THOC1: variants seen among roughly 807,000 people sequenced by gnomAD.
THOC1 encodes THO complex subunit 1, also known as THO complex 1.
A neutral mutation model predicts 97.3 loss-of-function variants in THOC1; 29 were observed. That is an observed-to-expected ratio of 0.30 (90% CI 0.22 to 0.41). The LOEUF (loss-of-function observed/expected upper bound fraction) is 0.41. Among genes scored for constraint, THOC1 ranks in the 10% least tolerant of loss-of-function variants. The probability of loss-of-function intolerance (pLI) is 1.00; values close to 1 mark genes in which losing one functional copy is unlikely to be tolerated. For synonymous variants in THOC1, 255 were observed against 257.0 expected, an observed-to-expected ratio of 0.99 and a Z score of 0.07; for missense variants, 529 against 761.9, an observed-to-expected ratio of 0.69 and a Z score of 3.60.
At chr18:215,389 CTTCAATT>C (rs1567840542) in intron 20 of THOC1, 33 bp downstream of exon 20, 1 of 1,520,780 alleles carries the variant, frequency 6.6e-7, no homozygotes, top group Non-Finnish European at 9.1e-7. Context: ...CCCCAATCGT[CTTCAATT>C]TTGTTAAATA....
At chr18:260,409 T>G (rs1912567753) in intron 4 of THOC1, 105 bp from the exon 5 acceptor site, 2 of 752,056 alleles carry the variant, frequency 2.7e-6, no homozygotes, top group South Asian at 8.0e-5. Context: ...ACTTTGTTAC[T>G]CATAACAAGG....
At chr18:221,600 A>G (rs972287913) in intron 17 of THOC1, among the ~76,000 whole-genome samples, 6 of 142,232 alleles carry the variant, frequency 4.2e-5, no homozygotes, top group East Asian at 2.2e-4. Context: ...AAACATATAG[A>G]TGGATCTTTT....
chr18:227,675 T>G (rs1402115014), intron 11 of THOC1, among the ~76,000 whole-genome samples: 2 of 152,180 alleles, frequency 1.3e-5, no homozygotes, highest in African/African-American at 4.8e-5. Context: ...TCATTCTGAT[T>G]ATGTGCATGG....
At position 254,315 on chromosome 18, in the gene THOC1, A is replaced by T. The variant is rs61752532; in HGVS notation, c.561T>A (p.Thr187=). The change falls in exon 8 of 21, where the codon ACT becomes ACA. Residue 187 remains threonine (T), a synonymous_variant. Transcript: ENST00000261600. This position sits in a 1 kb window ranked among gnomAD's most constrained non-coding sequence, Gnocchi z 4.1. ...TTTCCTGCTCATTTGTATTGAAAACAGTGACATTTTCCAGATTAAACTGAC... is the reference window on the plus strand; with the variant it reads ...TTTCCTGCTCATTTGTATTGAAAACTGTGACATTTTCCAGATTAAACTGAC... ...LQSQFNLENV[T]VFNTNEQEST... is the part of the protein sequence containing the mutation. The T allele has an allele frequency of 8.1e-3, 12,789 of 1,582,870 alleles. 93 individuals carry two copies. Among genetic ancestry groups the T allele is most frequent in the Middle Eastern group, 0.027 (160 of 6,022 alleles).
chr18:221,763 C>T (rs926526151), intron 17 of THOC1, among the ~76,000 whole-genome samples: 5 of 152,136 alleles, frequency 3.3e-5, no homozygotes, highest in East Asian at 1.9e-4. Context: ...CGCCTGCCAC[C>T]ACACTTGGCT....
chr18:217,542 C>A (rs1171972639), intron 18 of THOC1, among the ~76,000 whole-genome samples: 1 of 152,168 alleles, frequency 6.6e-6, no homozygotes, highest in Non-Finnish European at 1.5e-5. Flanking sequence ...CACTTTTGAG[C>A]CAGGCACTCA....
chr18:215,314 G>T lies in THOC1; in HGVS notation c.1678+115C>A. ...TAAATTCCTCACTATGTCAGAAACAGTTGAGATAAAATGGGAGAAGTTGAG... is the reference window on the plus strand; with the variant it reads ...TAAATTCCTCACTATGTCAGAAACATTTGAGATAAAATGGGAGAAGTTGAG... On this transcript the variant is annotated intron_variant, in intron 20 of 20. Transcript: ENST00000261600. 3.9e-6 allele frequency: 3 copies of T among 775,532 alleles called. No individual in the cohort carries two copies. The South Asian group carries it at 4.7e-5, about 12-fold the overall frequency. The allele number at this position is 775,532 out of a possible 1,614,324, so 48.0% of individuals were successfully genotyped here. A position where few individuals can be genotyped will look rare whatever the true frequency, so the allele number is the denominator to read the frequency against.
intron 11 of THOC1, among the ~76,000 whole-genome samples, chr18:237,090 T>C (rs1911730169): frequency 6.6e-6 from 1 of 151,820 alleles, no homozygotes; most frequent in Non-Finnish European, 1.5e-5. Flanking sequence ...TTCTACTGTA[T>C]ATAAGTCTGA....
In THOC1 at chr18:260,152, T is replaced by G. The variant is rs117272756; in HGVS notation, c.375+34A>C. On this transcript the variant is annotated intron_variant, in intron 5 of 20. Transcript: ENST00000261600. ...TCAGAATTCTGGATCTATAGAAAGA[T>G]AAAGTTAGCAGGAAAAGAAACTAAG... 5,701 of 1,349,112 alleles carry G rather than the reference T, an allele frequency of 4.2e-3. 16 individuals are homozygous for G. Among genetic ancestry groups the G allele is most frequent in the Non-Finnish European group, 4.8e-3 (4,849 of 1,001,560 alleles). 83.6% of individuals were successfully genotyped at this position (1,349,112 alleles called of 1,614,324 possible).
chr18:236,504 C>T (rs1392920003), intron 11 of THOC1, among the ~76,000 whole-genome samples: 1 of 151,478 alleles, frequency 6.6e-6, no homozygotes, highest in Admixed American at 6.6e-5. Flanking sequence ...CTACAGGCGC[C>T]CGCTACCACG....
chr18:214,576 C>A lies in THOC1; in HGVS notation c.*50G>T. ...CCAGTGGACCTCTTATCAAATGCTG[C>A]TTGGTAACAAAATCTATCACAGTTT... On this transcript the variant is annotated 3_prime_UTR_variant, in exon 21 of 21. Transcript: ENST00000261600. The A allele has an allele frequency of 2.7e-6, 4 of 1,481,770 alleles. No homozygotes were observed. The highest frequency in any genetic ancestry group is 3.7e-6 in the Non-Finnish European group (4 of 1,087,370). 91.8% of individuals were successfully genotyped at this position (1,481,770 alleles called of 1,614,324 possible). A position where few individuals can be genotyped will look rare whatever the true frequency, so the allele number is the denominator to read the frequency against.
In THOC1 at chr18:254,149, C is replaced by A. The variant is rs933814389; in HGVS notation, c.603+124G>T. ...CTGGTCTTGAACTCCTAGGCTCAAGCGATCTGCCCACCTCAGCCTCCCAAA... is the reference window on the plus strand; with the variant it reads ...CTGGTCTTGAACTCCTAGGCTCAAGAGATCTGCCCACCTCAGCCTCCCAAA... On this transcript the variant is annotated intron_variant, in intron 8 of 20. Coordinates refer to ENST00000261600, the MANE Select transcript of THOC1 (RefSeq NM_005131.3). The surrounding 1 kb of genome is among the most constrained non-coding windows in gnomAD (Gnocchi z 4.1). 9 of 669,212 alleles carry A rather than the reference C, an allele frequency of 1.3e-5. No individual in the cohort carries two copies. The South Asian group carries it at 1.5e-4, about 11-fold the overall frequency. The allele number at this position is 669,212 out of a possible 1,614,324, so 41.5% of individuals were successfully genotyped here. A position where few individuals can be genotyped will look rare whatever the true frequency, so the allele number is the denominator to read the frequency against.
intron 11 of THOC1, chr18:245,089 T>C (rs1912044389): frequency 6.6e-6 from 1 of 152,214 alleles, no homozygotes. Flanking sequence ...TTTCAATGGA[T>C]GTTATCTCAT....
At position 218,937 on chromosome 18, in the gene THOC1, T is replaced by A; in HGVS notation, c.1403A>T (p.Glu468Val). 2 of 1,606,318 alleles carry A rather than the reference T, an allele frequency of 1.2e-6. No individual in the cohort carries two copies. The highest frequency in any genetic ancestry group is 1.1e-5 in the South Asian group (1 of 89,360). ...EHMPTLEEFF[E>V]EAIEQADPEN... ...AGGGTCTGCCTGTTCAATGGCTTCT[T>A]CAAAGAATTCCTCCAAAGTGGGCAT... Residue 468 changes from glutamate (E) to valine (V), a missense_variant, in exon 18 of 21, where the codon GAA (glutamate) becomes GTA (valine). This residue lies in a region of THOC1 where 123 missense variants were observed against 159.0 expected (regional missense o/e 0.77). Transcript: ENST00000261600.
chr18:239,816 A>G (rs775709703), intron 11 of THOC1, among the ~76,000 whole-genome samples: 5 of 152,244 alleles, frequency 3.3e-5, no homozygotes, highest in African/African-American at 1.2e-4. Context: ...AAACACTTGT[A>G]TATAATAGAG....
chr18:223,564 G>C, intron 16 of THOC1, 59 bp from the exon 17 acceptor site: 1 of 1,314,414 alleles, frequency 7.6e-7, no homozygotes, highest in Non-Finnish European at 1.1e-6. Flanking sequence ...CATGTGCCTT[G>C]AAACTGAACA....
intron 4 of THOC1, among the ~76,000 whole-genome samples, chr18:261,517 C>T (rs1279318726): frequency 6.6e-6 from 1 of 152,148 alleles, no homozygotes; most frequent in Non-Finnish European, 1.5e-5. Context: ...ACACCAATAA[C>T]CACATTTGTC....
At chr18:257,520 T>C (rs919890507) in intron 7 of THOC1, among the ~76,000 whole-genome samples, 1 of 152,030 alleles carries the variant, frequency 6.6e-6, no homozygotes, top group Non-Finnish European at 1.5e-5. Context: ...CAGAAACAAA[T>C]ACAGATGAGT....
intron 7 of THOC1, 53 bp downstream of exon 7, chr18:259,127 A>C: frequency 2.2e-6 from 3 of 1,381,992 alleles, no homozygotes; most frequent in Non-Finnish European, 3.0e-6. Flanking sequence ...TAATCTATTA[A>C]AAACTGGAAA....
Sources: gnomAD v4.1 joint callset for allele counts (sites outside exome capture counted in the v4.1 genomes callset) on GRCh38, gnomAD v4.1.1 for gene constraint, gnomAD v4.1.1 regional missense constraint, Gnocchi (gnomAD v3.1) non-coding constraint, MANE v1.5 for transcripts, NCBI Gene and HGNC (gene_info 2026-07-23, HGNC 2026-07-21) for gene names.